Variants in PRKG1 observed in about 807,000 individuals in gnomAD.
The protein encoded by PRKG1 is protein kinase cGMP-dependent 1, also known as cGMP-dependent protein kinase 1.
PRKG1 carries 35 observed loss-of-function variants against 88.1 expected under a neutral mutation model. That is an observed-to-expected ratio of 0.40 (90% confidence interval 0.30 to 0.53). The LOEUF (loss-of-function observed/expected upper bound fraction) is 0.53, where lower values mean the gene tolerates loss of function less well. Among genes scored for constraint, PRKG1 ranks in the 20% least tolerant of loss-of-function variants. The pLI is 0.59. For missense variants in PRKG1, 540 were observed against 839.8 expected (o/e 0.64, Z 4.41); for synonymous variants, 303 against 292.5 (o/e 1.04, Z -0.37).
chr10:51,117,450 A>T (rs773373934), intron 1 of PRKG1, among the ~76,000 whole-genome samples: 1 of 152,252 alleles, frequency 6.6e-6, no homozygotes, highest in Non-Finnish European at 1.5e-5. Context: ...TGGCCTAATG[A>T]GTAATAATCA....
At chr10:51,120,657 G>A (rs1021326765) in intron 1 of PRKG1, among the ~76,000 whole-genome samples, 5 of 152,130 alleles carry the variant, frequency 3.3e-5, no homozygotes, top group African/African-American at 1.2e-4. Context: ...ACTTGACTTA[G>A]TTAAGTAATA....
At chr10:51,290,144 A>C (rs1399805896) in intron 2 of PRKG1, among the ~76,000 whole-genome samples, 1 of 152,144 alleles carries the variant, frequency 6.6e-6, no homozygotes, top group African/African-American at 2.4e-5. Flanking sequence ...GGAGGCTGAG[A>C]TGAGAGGATC....
chr10:51,902,715 A>G (rs977071154), intron 4 of PRKG1, among the ~76,000 whole-genome samples: 1 of 152,146 alleles, frequency 6.6e-6, no homozygotes, highest in Non-Finnish European at 1.5e-5. Flanking sequence ...CAGCACACCT[A>G]TCATAAACCT....
At chr10:51,220,764 T>TAATATACATTATTC (rs1353587701) in intron 2 of PRKG1, among the ~76,000 whole-genome samples, 3 of 152,120 alleles carry the variant, frequency 2.0e-5, no homozygotes, top group African/African-American at 7.2e-5. Flanking sequence ...GATGTGGGAA[T>TAATATACATTATTC]AATATACATT....
At chr10:52,285,358 C>T (rs929824593) in intron 14 of PRKG1, among the ~76,000 whole-genome samples, 2 of 152,000 alleles carry the variant, frequency 1.3e-5, no homozygotes, top group African/African-American at 4.8e-5. Context: ...TTTTTTCCTA[C>T]AGTAGCTACT....
chr10:51,079,601 A>C (rs1389101847), intron 1 of PRKG1, among the ~76,000 whole-genome samples: 1 of 152,030 alleles, frequency 6.6e-6, no homozygotes, highest in Non-Finnish European at 1.5e-5. Flanking sequence ...GCCAGTGAGA[A>C]TGAGAATCTT....
intron 2 of PRKG1, among the ~76,000 whole-genome samples, chr10:51,313,196 C>T (rs1841235684): frequency 6.6e-6 from 1 of 151,960 alleles, no homozygotes; most frequent in African/African-American, 2.4e-5. Context: ...TGGGCAAAGT[C>T]TAAACCTAAA....
chr10:51,034,894 A>G (rs1843334288), intron 1 of PRKG1, among the ~76,000 whole-genome samples: 2 of 151,796 alleles, frequency 1.3e-5, no homozygotes, highest in Admixed American at 1.3e-4. Context: ...TCATTTAGCA[A>G]ATTACTTATT....
intron 1 of PRKG1, among the ~76,000 whole-genome samples, chr10:51,018,075 G>A (rs2132731215): frequency 6.6e-6 from 1 of 152,100 alleles, no homozygotes; most frequent in Middle Eastern, 3.4e-3. Flanking sequence ...ACGCATCTTG[G>A]CCTCCTATAG....
chr10:51,793,775 T>G (rs1286326534), intron 3 of PRKG1, among the ~76,000 whole-genome samples: 2 of 152,140 alleles, frequency 1.3e-5, no homozygotes, highest in Non-Finnish European at 2.9e-5. Flanking sequence ...ACATTTTTGT[T>G]TTTTGAGACA....
chr10:52,257,939 C>G lies in PRKG1; in HGVS notation c.1173+6273C>G, dbSNP rs190002718. ...AATGCAGAAATTACAAGTAGTAAAG[C>G]TTATCTCTACTTTGGTATATGCAAA... On this transcript the variant is annotated intron_variant, in intron 10 of 17. Coordinates refer to ENST00000373980, the MANE Select transcript of PRKG1 (RefSeq NM_006258.4). Among the ~76,000 whole-genome samples the G allele has an allele frequency of 3.8e-3, 535 of 139,116 alleles. 38 individuals are homozygous for G. The highest frequency in any genetic ancestry group is 0.013 in the African/African-American group (509 of 40,300). The allele number at this position is 139,116 out of a possible 152,430, so 91.3% of individuals were successfully genotyped here. A position where few individuals can be genotyped will look rare whatever the true frequency, so the allele number is the denominator to read the frequency against.
intron 9 of PRKG1, among the ~76,000 whole-genome samples, chr10:52,225,096 C>A (rs1193017295): frequency 2.0e-5 from 3 of 152,004 alleles, no homozygotes; most frequent in Admixed American, 1.3e-4. Context: ...TCTACATTCC[C>A]ACCAACAGTG....
At chr10:51,804,451 G>T in intron 3 of PRKG1, 134 bp from the exon 4 acceptor site, 1 of 642,678 alleles carries the variant, frequency 1.6e-6, no homozygotes, top group South Asian at 2.0e-5. Flanking sequence ...TGTGATATTA[G>T]CTTTAAATGT....
intron 7 of PRKG1, among the ~76,000 whole-genome samples, chr10:52,080,964 A>G (rs1368808348): frequency 6.6e-6 from 1 of 152,134 alleles, no homozygotes; most frequent in Non-Finnish European, 1.5e-5. Context: ...AAAACTCCTG[A>G]TAGAATAGGC....
chr10:51,497,836 C>G (rs550616875), intron 3 of PRKG1, among the ~76,000 whole-genome samples: 22 of 152,232 alleles, frequency 1.4e-4, no homozygotes, highest in African/African-American at 5.3e-4. Context: ...TTTCTGTGAG[C>G]TCTTTCAATT....
chr10:51,529,219 A>G (rs565419848), intron 3 of PRKG1, among the ~76,000 whole-genome samples: 4 of 152,194 alleles, frequency 2.6e-5, no homozygotes, highest in East Asian at 3.9e-4. Context: ...TCCAGCTACA[A>G]TTCGTCACCT....
At position 51,532,965 on chromosome 10, in the gene PRKG1, G is replaced by A. The variant is rs545144557; in HGVS notation, c.592+65129G>A. On this transcript the variant is annotated intron_variant, in intron 3 of 17. Coordinates refer to ENST00000373980, the MANE Select transcript of PRKG1 (RefSeq NM_006258.4). Reference sequence around the variant, plus strand: ...TTGGGGGCAAGAAACCTATTTATTAGCAATGACCTAATGTATGAGCATAGA... The same window carrying A: ...TTGGGGGCAAGAAACCTATTTATTAACAATGACCTAATGTATGAGCATAGA... Among the ~76,000 whole-genome samples, 21 of 152,008 alleles carry A rather than the reference G, an allele frequency of 1.4e-4. No homozygotes were observed. In the South Asian group the frequency reaches 3.3e-3, roughly 24 times the overall value.
At chr10:52,160,621 C>CTTTA (rs774898500) in intron 8 of PRKG1, among the ~76,000 whole-genome samples, 1 of 151,886 alleles carries the variant, frequency 6.6e-6, no homozygotes, top group Non-Finnish European at 1.5e-5. Context: ...TCATGTTCCT[C>CTTTA]TTTATAGTTT....
intron 2 of PRKG1, among the ~76,000 whole-genome samples, chr10:51,158,430 A>G (rs937937332): frequency 5.9e-5 from 9 of 152,082 alleles, no homozygotes; most frequent in South Asian, 4.1e-4. Context: ...GTATATTCAA[A>G]CTTGAGGAGC....
Sources: gnomAD v4.1 joint callset for allele counts (sites outside exome capture counted in the v4.1 genomes callset) on GRCh38, gnomAD v4.1.1 for gene constraint, MANE v1.5 for transcripts, NCBI Gene and HGNC (gene_info 2026-07-23, HGNC 2026-07-21) for gene names.